The following SLC35D2 variants were observed in gnomAD, a reference collection of about 807,000 sequenced individuals.
The protein encoded by SLC35D2 is nucleotide sugar transporter SLC35D2.
SLC35D2 carries 43 observed loss-of-function variants against 41.8 expected under a neutral mutation model. That is an observed-to-expected ratio of 1.03 (90% CI 0.81 to 1.33). The LOEUF is 1.33. Among genes scored for constraint, SLC35D2 ranks in the 40% most tolerant of loss-of-function variants. The pLI, the probability that SLC35D2 is intolerant of heterozygous loss-of-function variation, is 0.00. For synonymous variants in SLC35D2, 150 were observed against 163.9 expected (o/e 0.92, Z 0.65); for missense variants, 380 against 408.4 (o/e 0.93, Z 0.60).
intron 9 of SLC35D2, among the ~76,000 whole-genome samples, chr9:96,335,049 G>C (rs1476653578): frequency 6.6e-6 from 1 of 152,204 alleles, no homozygotes; most frequent in Non-Finnish European, 1.5e-5. Context: ...TTGAAATCAA[G>C]TTTGAGAATT....
At chr9:96,361,595 G>A (rs1392170958) in intron 3 of SLC35D2, among the ~76,000 whole-genome samples, 1 of 152,088 alleles carries the variant, frequency 6.6e-6, no homozygotes, top group East Asian at 1.9e-4. Context: ...TGAGACAGGA[G>A]GATCACTTGG....
At chr9:96,354,731 C>T (rs1327331842) in intron 4 of SLC35D2, among the ~76,000 whole-genome samples, 4 of 115,668 alleles carry the variant, frequency 3.5e-5, no homozygotes, top group Non-Finnish European at 4.9e-5. Flanking sequence ...CGCACCACTA[C>T]ACTCTAGCCT....
Position 96,356,752 on chromosome 9 carries a change from G to A in SLC35D2, c.347+3402C>T, listed in dbSNP as rs147436546. On this transcript the variant is annotated intron_variant, in intron 4 of 11. Coordinates refer to ENST00000253270, the MANE Select transcript of SLC35D2 (RefSeq NM_007001.3). ...TAGCCAGGTGTGCTGGTGCTCACCT[G>A]TGGTCCCAGCTACTTGGGAGGCTGA... Among the ~76,000 whole-genome samples the A allele has an allele frequency of 5.4e-3, 810 of 148,626 alleles. 12 individuals are homozygous for A. The highest frequency in any genetic ancestry group is 0.019 in the African/African-American group (772 of 41,272).
intron 7 of SLC35D2, among the ~76,000 whole-genome samples, chr9:96,344,591 TA>T (rs887714929): frequency 2.7e-5 from 2 of 74,786 alleles, no homozygotes; most frequent in Non-Finnish European, 5.4e-5. Context: ...AAGAGCAGAT[TA>T]AAAAAAATAG....
At chr9:96,339,990 G>C (rs560040254) in intron 8 of SLC35D2, among the ~76,000 whole-genome samples, 1 of 152,178 alleles carries the variant, frequency 6.6e-6, no homozygotes, top group East Asian at 1.9e-4. Context: ...ATTAACAAGA[G>C]AAGTTAACAT....
intron 3 of SLC35D2, among the ~76,000 whole-genome samples, chr9:96,362,854 TG>T (rs1393003676): frequency 1.3e-5 from 2 of 151,592 alleles, no homozygotes; most frequent in Non-Finnish European, 2.9e-5. Flanking sequence ...TCTCTTTTTC[TG>T]GATGTCCCTG....
At chr9:96,378,448 CAAAA>C (rs1304651790) in intron 1 of SLC35D2, among the ~76,000 whole-genome samples, 1 of 150,192 alleles carries the variant, frequency 6.7e-6, no homozygotes, top group South Asian at 2.1e-4. Flanking sequence ...ACAAAACAAA[CAAAA>C]AAAAACCTCA....
intron 9 of SLC35D2, among the ~76,000 whole-genome samples, chr9:96,334,919 A>G (rs980622533): frequency 5.9e-5 from 9 of 152,352 alleles, no homozygotes; most frequent in African/African-American, 2.2e-4. Context: ...AAAATATAAA[A>G]TTGTTAAAAT....
At chr9:96,363,061 G>C (rs1830340701) in intron 3 of SLC35D2, among the ~76,000 whole-genome samples, 1 of 151,878 alleles carries the variant, frequency 6.6e-6, no homozygotes, top group East Asian at 1.9e-4. Context: ...TAGAGACGGG[G>C]TTTCACCATG....
chr9:96,328,008 T>A (rs968384742), intron 9 of SLC35D2, among the ~76,000 whole-genome samples: 18 of 152,112 alleles, frequency 1.2e-4, no homozygotes, highest in African/African-American at 4.8e-5. Flanking sequence ...TTACATTTTT[T>A]AAAAGAATCT....
chr9:96,350,644 A>G, intron 6 of SLC35D2: 1 of 154,172 alleles, frequency 6.5e-6, no homozygotes, highest in South Asian at 2.0e-4. Flanking sequence ...GTCATGCACC[A>G]GTGTTGGCTC....
intron 10 of SLC35D2, among the ~76,000 whole-genome samples, chr9:96,323,022 CTTTTTTT>C (rs869071613): frequency 4.5e-5 from 6 of 133,212 alleles, no homozygotes; most frequent in African/African-American, 1.1e-4. Flanking sequence ...CCTGGTTTTT[CTTTTTTT>C]TTTTTTTTTT....
At chr9:96,362,364 G>T (rs997496837) in intron 3 of SLC35D2, among the ~76,000 whole-genome samples, 1 of 152,090 alleles carries the variant, frequency 6.6e-6, no homozygotes, top group Non-Finnish European at 1.5e-5. Flanking sequence ...AAAATTGGCC[G>T]GGCATGGCGG....
At position 96,360,552 on chromosome 9, in the gene SLC35D2, C is replaced by T. The variant is rs141608061; in HGVS notation, c.280-331G>A. On this transcript the variant is annotated intron_variant, in intron 3 of 11. Coordinates refer to ENST00000253270, the MANE Select transcript of SLC35D2 (RefSeq NM_007001.3). ...GCTGAGGCAGGAGAATCACTTGAAC[C>T]CGGCGGGCAGAGGTTGCAGTGAGCC... 5.5e-3 allele frequency among the ~76,000 whole-genome samples: 803 copies of T among 145,804 alleles called. 8 individuals are homozygous for T. Among genetic ancestry groups the T allele is most frequent in the African/African-American group, 0.019 (738 of 39,312 alleles).
chr9:96,334,663 A>T (rs936605360), intron 9 of SLC35D2, among the ~76,000 whole-genome samples: 4 of 152,174 alleles, frequency 2.6e-5, no homozygotes, highest in Middle Eastern at 3.2e-3. Flanking sequence ...TTTTAAGCAA[A>T]ATGCTCACAA....
intron 4 of SLC35D2, among the ~76,000 whole-genome samples, chr9:96,355,215 A>G (rs1440024680): frequency 1.3e-5 from 2 of 151,866 alleles, no homozygotes; most frequent in Non-Finnish European, 2.9e-5. Context: ...ATGGGGTTTC[A>G]CCATGTTGAG....
chr9:96,331,533 T>A (rs188930218), intron 9 of SLC35D2, among the ~76,000 whole-genome samples: 6 of 152,044 alleles, frequency 3.9e-5, no homozygotes, highest in African/African-American at 1.4e-4. Context: ...CCTGCCACCC[T>A]TTCCCCTTTA....
intron 6 of SLC35D2, among the ~76,000 whole-genome samples, chr9:96,345,618 C>T (rs1432036688): frequency 6.6e-6 from 1 of 152,196 alleles, no homozygotes; most frequent in Non-Finnish European, 1.5e-5. Flanking sequence ...GGCTTAAAAC[C>T]AGAGCGACAT....
At chr9:96,314,822 C>G (rs1009114166) in exon 12 of SLC35D2, 7 of 152,156 alleles carry the variant, frequency 4.6e-5, no homozygotes, top group Admixed American at 1.3e-4. Context: ...CCAGTTGGAT[C>G]CAATTCCCCA....
Sources: allele counts gnomAD v4.1 joint callset (sites outside exome capture counted in the v4.1 genomes callset), GRCh38; gene constraint gnomAD v4.1.1; transcripts MANE v1.5; gene names NCBI Gene and HGNC (gene_info 2026-07-23, HGNC 2026-07-21).